FOXN3: variants seen among roughly 807,000 people sequenced by gnomAD.
The protein encoded by FOXN3 is forkhead box N3, also known as forkhead box protein N3.
Under a neutral mutation model 38.4 loss-of-function variants are expected in FOXN3, and 7 were observed. The ratio of observed to expected loss-of-function variants is 0.18; its 90% CI spans 0.10 to 0.34. FOXN3 has a LOEUF of 0.34. Among genes scored for constraint, FOXN3 ranks in the 10% least tolerant of loss-of-function variants. The probability of loss-of-function intolerance (pLI) is 1.00; values close to 1 mark genes in which losing one functional copy is unlikely to be tolerated. For synonymous variants in FOXN3, 230 were observed against 242.2 expected (o/e 0.95, Z 0.47); for missense variants, 456 against 613.4 (o/e 0.74, Z 2.71).
At chr14:89,493,005 T>C (rs1339916160) in intron 1 of FOXN3, among the ~76,000 whole-genome samples, 2 of 152,110 alleles carry the variant, frequency 1.3e-5, no homozygotes, top group Non-Finnish European at 2.9e-5. Flanking sequence ...ATAATGACTA[T>C]AAAGAATAAT....
chr14:89,453,372 C>T (rs948442267), intron 1 of FOXN3, among the ~76,000 whole-genome samples: 8 of 151,544 alleles, frequency 5.3e-5, no homozygotes, highest in East Asian at 3.9e-4. Context: ...CTGGCTAACA[C>T]GGTGAAACCC....
intron 4 of FOXN3, among the ~76,000 whole-genome samples, chr14:89,279,681 T>C (rs1470859598): frequency 1.3e-5 from 2 of 152,230 alleles, no homozygotes; most frequent in Middle Eastern, 3.2e-3. Context: ...TTTTGTTTTC[T>C]TAAACATTTA....
rs183250099 is a variant in FOXN3 at position 89,303,154 on chromosome 14, G to C, written c.681-22140C>G. 2.3e-3 allele frequency among the ~76,000 whole-genome samples: 349 copies of C among 152,162 alleles called. 1 individual carries two copies. Among genetic ancestry groups the C allele is most frequent in the South Asian group, 4.6e-3 (22 of 4,810 alleles). ...CTTGTCTTTTAGTTTTTTTCGCTCT[G>C]ACAATACCAAGTTGCTCATGGTCCC... On this transcript the variant is annotated intron_variant, in intron 3 of 5. Coordinates refer to ENST00000557258, the MANE Select transcript of FOXN3 (RefSeq NM_005197.4).
At chr14:89,490,464 A>C (rs1893549368) in intron 1 of FOXN3, among the ~76,000 whole-genome samples, 1 of 152,184 alleles carries the variant, frequency 6.6e-6, no homozygotes, top group African/African-American at 2.4e-5. Context: ...GAGCATGTGG[A>C]GGTATTGTCG....
rs1308140496 is a variant in FOXN3, at chr14:89,455,208, G to A, written c.-14-42718C>T. ...GGCCCTGAGCTCTCCCTGCCCGGCC[G>A]ATATGCCATCGGCATTTGTGGAAAT... On this transcript the variant is annotated intron_variant, in intron 1 of 6. Coordinates refer to the FOXN3 transcript ENST00000345097. Among the ~76,000 whole-genome samples, 5 of 152,204 alleles carry A rather than the reference G, an allele frequency of 3.3e-5. 1 individual carries two copies. The South Asian group carries it at 6.2e-4, about 19-fold the overall frequency.
chr14:89,561,825 C>T (rs367884608), intron 1 of FOXN3, among the ~76,000 whole-genome samples: 1 of 152,104 alleles, frequency 6.6e-6, no homozygotes. Context: ...CAACCTCTTA[C>T]CAGAAAACTA....
chr14:89,325,301 A>ACACCACCACCAC (rs1369611682), intron 3 of FOXN3, among the ~76,000 whole-genome samples: 1 of 80,254 alleles, frequency 1.2e-5, no homozygotes, highest in East Asian at 3.8e-4. Flanking sequence ...ACCAACACCA[A>ACACCACCACCAC]CACCACCACC....
intron 1 of FOXN3, among the ~76,000 whole-genome samples, chr14:89,444,981 G>A (rs1378901700): frequency 3.3e-5 from 5 of 151,994 alleles, no homozygotes; most frequent in Non-Finnish European, 7.4e-5. Context: ...AAATTAGCTG[G>A]ACATGGTAGC....
At chr14:89,333,311 G>A (rs112939844) in intron 3 of FOXN3, 14,576 of 152,314 alleles carry the variant, frequency 0.096, 2,080 homozygotes, top group African/African-American at 0.31. Flanking sequence ...CCAGCTACTC[G>A]GGAGGCTGAG....
chr14:89,355,428 G>T (rs1031890588), intron 2 of FOXN3, among the ~76,000 whole-genome samples: 3 of 151,988 alleles, frequency 2.0e-5, no homozygotes, highest in African/African-American at 4.8e-5. Context: ...GTAGAGACGG[G>T]GTTTCGCCAT....
intron 1 of FOXN3, among the ~76,000 whole-genome samples, chr14:89,569,107 A>C (rs1895434290): frequency 6.6e-6 from 1 of 152,200 alleles, no homozygotes; most frequent in South Asian, 2.1e-4. Flanking sequence ...CTGGAGGCTG[A>C]GGCAGGAGAA....
At chr14:89,274,418 A>G (rs891424897) in intron 4 of FOXN3, among the ~76,000 whole-genome samples, 4 of 152,266 alleles carry the variant, frequency 2.6e-5, no homozygotes, top group East Asian at 1.9e-4. Flanking sequence ...CTGACTTCGT[A>G]TGGAGCATTT....
chr14:89,340,497 T>C (rs539178112), intron 3 of FOXN3, among the ~76,000 whole-genome samples: 1 of 152,212 alleles, frequency 6.6e-6, no homozygotes, highest in Non-Finnish European at 1.5e-5. Context: ...TTTCCGTACC[T>C]CTCACATCCA....
intron 1 of FOXN3, among the ~76,000 whole-genome samples, chr14:89,536,783 T>TA (rs58499483): frequency 1.1e-4 from 16 of 150,710 alleles, no homozygotes; most frequent in East Asian, 3.9e-4. Flanking sequence ...ATCTCAAAAA[T>TA]AAAAAAAAAA....
chr14:89,539,780 G>GT (rs1251537870), intron 1 of FOXN3, among the ~76,000 whole-genome samples: 1 of 152,214 alleles, frequency 6.6e-6, no homozygotes, highest in Non-Finnish European at 1.5e-5. Flanking sequence ...ACACTGATGG[G>GT]TGACAGAGGG....
At chr14:89,377,379 A>G (rs1890517294) in intron 2 of FOXN3, among the ~76,000 whole-genome samples, 1 of 152,186 alleles carries the variant, frequency 6.6e-6, no homozygotes, top group Non-Finnish European at 1.5e-5. Context: ...CTGAATATGG[A>G]CTAGATGACA....
chr14:89,385,754 C>G lies in FOXN3; in HGVS notation c.543+26180G>C, dbSNP rs555033299. On this transcript the variant is annotated intron_variant, in intron 2 of 5. Transcript: ENST00000557258. Reference sequence around the variant, plus strand: ...CCCAGGACGCGGAGGCTGTGGTGAGCCAAGATCATGCCATTGCATTCCAGC... The same window carrying G: ...CCCAGGACGCGGAGGCTGTGGTGAGGCAAGATCATGCCATTGCATTCCAGC... 5.9e-5 allele frequency among the ~76,000 whole-genome samples: 9 copies of G among 152,306 alleles called. No homozygotes were observed. In the South Asian group the frequency reaches 8.3e-4, roughly 14 times the overall value.
At chr14:89,460,682 C>G (rs1411546260) in intron 1 of FOXN3, among the ~76,000 whole-genome samples, 1 of 152,116 alleles carries the variant, frequency 6.6e-6, no homozygotes, top group African/African-American at 2.4e-5. Context: ...TCTACAAGTT[C>G]CTACCTTGGC....
intron 1 of FOXN3, among the ~76,000 whole-genome samples, chr14:89,538,730 C>G (rs991246777): frequency 1.6e-4 from 25 of 151,562 alleles, no homozygotes; most frequent in Non-Finnish European, 1.3e-4. Flanking sequence ...GTTGGTCAGC[C>G]TGGTTTCGAA....
Sources: gnomAD v4.1 joint callset for allele counts (sites outside exome capture counted in the v4.1 genomes callset) on GRCh38, gnomAD v4.1.1 for gene constraint, MANE v1.5 for transcripts, NCBI Gene and HGNC (gene_info 2026-07-23, HGNC 2026-07-21) for gene names.